Variants in DMXL2 observed in about 807,000 individuals in gnomAD.
DMXL2 encodes dmX-like protein 2.
Under a neutral mutation model 331.1 loss-of-function variants are expected in DMXL2, and 103 were observed. That is an observed-to-expected ratio of 0.31 (90% confidence interval 0.27 to 0.37). The LOEUF is 0.37. Among genes scored for constraint, DMXL2 ranks in the 10% least tolerant of loss-of-function variants. The probability of loss-of-function intolerance (pLI) is 1.00; values close to 1 mark genes in which losing one functional copy is unlikely to be tolerated. For missense variants in DMXL2, 3,171 were observed against 3,642.9 expected (o/e 0.87, Z 3.33); for synonymous variants, 1,281 against 1,252.1 (o/e 1.02, Z -0.49).
chr15:51,499,361 G>C lies in DMXL2; in HGVS notation c.3863C>G (p.Ser1288Cys), dbSNP rs762167084. The change falls in exon 18 of 44, where the codon TCT (serine) becomes TGT (cysteine). Residue 1288 changes from serine (S) to cysteine (C), a missense_variant. By Grantham distance (112) the Ser-to-Cys change is moderately radical. Transcript: ENST00000560891. ...TTGCATTGCTGCCTCTTCTGCATTA[G>C]AACTATCAGCTTCAGTGTCTCCAAA... ...VKFGDTEADS[S>C]NAEEAAMQDH... The C allele has an allele frequency of 1.7e-5, 27 of 1,613,834 alleles. No individual in the cohort carries two copies. Among genetic ancestry groups the C allele is most frequent in the Non-Finnish European group, 2.2e-5 (26 of 1,179,988 alleles).
intron 15 of DMXL2, among the ~76,000 whole-genome samples, chr15:51,513,392 G>C (rs1463595181): frequency 1.3e-5 from 2 of 152,142 alleles, no homozygotes; most frequent in Non-Finnish European, 2.9e-5. Context: ...AAGCAGTACT[G>C]CTGTTATAAT....
rs1482644918 is a variant in DMXL2, at chr15:51,448,892, T to C, written c.*92A>G. ...CAAATTCTACACAGAGATTCTCTGT[T>C]TTCAATACAACTGCTTAGAAAGCAG... On this transcript the variant is annotated 3_prime_UTR_variant, in exon 44 of 44. Transcript: ENST00000560891. 1 of 1,284,046 alleles carries C rather than the reference T, an allele frequency of 7.8e-7. No homozygotes were observed. The highest frequency in any genetic ancestry group is 2.5e-5 in the East Asian group (1 of 39,734). The allele number at this position is 1,284,046 out of a possible 1,614,324, so 79.5% of individuals were successfully genotyped here.
chr15:51,622,413 G>T, intron 1 of DMXL2, 46 bp downstream of exon 1: 1 of 1,549,872 alleles, frequency 6.5e-7, no homozygotes, highest in Non-Finnish European at 8.7e-7. Context: ...CTGCCCCCGC[G>T]TCTGGCCCCT....
At chr15:51,529,971 T>TC (rs1282406985) in intron 13 of DMXL2, among the ~76,000 whole-genome samples, 1 of 152,126 alleles carries the variant, frequency 6.6e-6, no homozygotes, top group Non-Finnish European at 1.5e-5. Context: ...GTGATACATT[T>TC]CATCAACAGA....
chr15:51,589,747 C>G (rs1416442387), intron 1 of DMXL2, among the ~76,000 whole-genome samples: 2 of 152,114 alleles, frequency 1.3e-5, no homozygotes, highest in Non-Finnish European at 2.9e-5. Flanking sequence ...GAGTATGGTA[C>G]AGCATCAAAC....
intron 14 of DMXL2, among the ~76,000 whole-genome samples, chr15:51,515,469 G>C (rs918436085): frequency 5.3e-5 from 8 of 152,140 alleles, no homozygotes; most frequent in African/African-American, 1.7e-4. Context: ...TTTTATGAAA[G>C]TTATAGGGTA....
chr15:51,554,659 T>C (rs909403967), intron 6 of DMXL2, among the ~76,000 whole-genome samples: 1 of 152,176 alleles, frequency 6.6e-6, no homozygotes, highest in Non-Finnish European at 1.5e-5. Flanking sequence ...AAAATCTAGT[T>C]TAAAAACAAT....
chr15:51,468,259 G>A (rs1037119876), intron 29 of DMXL2, among the ~76,000 whole-genome samples: 4 of 152,120 alleles, frequency 2.6e-5, no homozygotes, highest in African/African-American at 9.7e-5. Context: ...TTTCAAAAAA[G>A]TGATTGTTCT....
chr15:51,451,106 C>T (rs2039095759), intron 42 of DMXL2, among the ~76,000 whole-genome samples: 1 of 152,124 alleles, frequency 6.6e-6, no homozygotes, highest in African/African-American at 2.4e-5. Context: ...CATTTCTAGT[C>T]ATTATAATAA....
intron 28 of DMXL2, among the ~76,000 whole-genome samples, chr15:51,472,549 T>C (rs935304806): frequency 1.3e-5 from 2 of 152,176 alleles, no homozygotes; most frequent in African/African-American, 4.8e-5. Flanking sequence ...CCCTAGCCCA[T>C]GGCAACCACA....
At chr15:51,525,730 G>C (rs971355288) in intron 13 of DMXL2, among the ~76,000 whole-genome samples, 4 of 152,106 alleles carry the variant, frequency 2.6e-5, no homozygotes, top group Non-Finnish European at 4.4e-5. Flanking sequence ...GGAGAGAGAA[G>C]GGTAGGAGGG....
chr15:51,537,435 T>C, intron 11 of DMXL2, 53 bp downstream of exon 11: 1 of 1,500,868 alleles, frequency 6.7e-7, no homozygotes, highest in East Asian at 2.5e-5. Flanking sequence ...AAAGCATTTA[T>C]TTCTTTTTAC....
chr15:51,455,059 T>C (rs1001279105), intron 40 of DMXL2, 92 bp downstream of exon 40: 19 of 1,027,680 alleles, frequency 1.8e-5, no homozygotes, highest in African/African-American at 6.3e-5. Flanking sequence ...CTTTTCCCAA[T>C]AGGACCACCA....
chr15:51,457,724 T>C (rs543732440), intron 36 of DMXL2: 53 of 367,332 alleles, frequency 1.4e-4, no homozygotes, highest in African/African-American at 1.0e-3. Flanking sequence ...AGTTTGTTGT[T>C]ATCTATGGAA....
At chr15:51,485,769 A>T (rs1446152919) in intron 23 of DMXL2, among the ~76,000 whole-genome samples, 1 of 152,214 alleles carries the variant, frequency 6.6e-6, no homozygotes, top group Non-Finnish European at 1.5e-5. Flanking sequence ...AAGTTTTTCC[A>T]GGCCCATGTG....
intron 29 of DMXL2, among the ~76,000 whole-genome samples, chr15:51,470,664 G>A (rs181186538): frequency 6.6e-6 from 1 of 152,302 alleles, no homozygotes; most frequent in East Asian, 1.9e-4. Flanking sequence ...ACCAACAGAA[G>A]GAGAATCATG....
Position 51,574,777 on chromosome 15 carries a change from C to T in DMXL2, c.213+1279G>A, listed in dbSNP as rs78859715. ...TCAAGAAAAGTAGAAACACAAGTTGCTCTGTTTCCCATGGTATGAATACCA... is the reference window on the plus strand; with the variant it reads ...TCAAGAAAAGTAGAAACACAAGTTGTTCTGTTTCCCATGGTATGAATACCA... On this transcript the variant is annotated intron_variant, in intron 2 of 43. Transcript: ENST00000560891. 1.3e-3 allele frequency among the ~76,000 whole-genome samples: 191 copies of T among 152,296 alleles called. 4 individuals carry two copies. In the East Asian group the frequency reaches 0.032, roughly 25 times the overall value.
chr15:51,606,247 G>T (rs562812324), intron 1 of DMXL2, among the ~76,000 whole-genome samples: 5 of 152,036 alleles, frequency 3.3e-5, no homozygotes, highest in African/African-American at 4.8e-5. Flanking sequence ...TGTTCTTGTC[G>T]CCCAGGCTGG....
intron 13 of DMXL2, among the ~76,000 whole-genome samples, chr15:51,519,803 T>C (rs1021166397): frequency 1.3e-5 from 2 of 151,902 alleles, no homozygotes; most frequent in Admixed American, 6.6e-5. Flanking sequence ...CCACCACACC[T>C]GGCTAATTTT....
Sources: gnomAD v4.1 joint callset for allele counts (sites outside exome capture counted in the v4.1 genomes callset) on GRCh38, gnomAD v4.1.1 for gene constraint, MANE v1.5 for transcripts, NCBI Gene and HGNC (gene_info 2026-07-23, HGNC 2026-07-21) for gene names.